Variants in ATG7 observed in about 807,000 individuals in gnomAD.
ATG7 encodes autophagy related 7.
In ATG7, 70 loss-of-function variants were observed where a neutral mutation model predicts 82.4. The observed-to-expected ratio is 0.85, with a 90% confidence interval of 0.70 to 1.04. ATG7 has a LOEUF of 1.04. Among genes scored for constraint, ATG7 ranks in the 50% least tolerant of loss-of-function variants. The pLI, the probability that ATG7 is intolerant of heterozygous loss-of-function variation, is 0.00. For missense variants in ATG7, 792 were observed against 864.3 expected, an observed-to-expected ratio of 0.92 and a Z score of 1.05; for synonymous variants, 287 against 313.0, an observed-to-expected ratio of 0.92 and a Z score of 0.88.
chr3:11,413,637 T>C (rs185170260), intron 19 of ATG7, among the ~76,000 whole-genome samples: 255 of 152,364 alleles, frequency 1.7e-3, no homozygotes, highest in African/African-American at 5.6e-3. Context: ...CAACACAGTT[T>C]ACTGTTATTT....
At chr3:11,386,655 T>C (rs1281479306) in intron 19 of ATG7, among the ~76,000 whole-genome samples, 2 of 152,232 alleles carry the variant, frequency 1.3e-5, no homozygotes, top group Non-Finnish European at 2.9e-5. Context: ...AAAAGGGATA[T>C]AAATCTCTGA....
At chr3:11,280,528 A>G (rs1248037098) in intron 1 of ATG7, among the ~76,000 whole-genome samples, 2 of 152,180 alleles carry the variant, frequency 1.3e-5, no homozygotes, top group Admixed American at 6.5e-5. Context: ...TGCCTTGTCC[A>G]GTTGTTTTCT....
At chr3:11,437,813 C>A (rs2083498967) in intron 20 of ATG7, among the ~76,000 whole-genome samples, 1 of 152,150 alleles carries the variant, frequency 6.6e-6, no homozygotes, top group East Asian at 1.9e-4. Context: ...GGCACCTCAC[C>A]CCTAAATTTT....
intron 20 of ATG7, among the ~76,000 whole-genome samples, chr3:11,512,809 T>A (rs2092123090): frequency 2.0e-5 from 3 of 152,220 alleles, no homozygotes; most frequent in Admixed American, 1.3e-4. Context: ...GGCAGCCTGC[T>A]TTTATTCTCT....
intron 15 of ATG7, 47 bp from the exon 16 acceptor site, chr3:11,360,534 A>G (rs1431040999): frequency 9.6e-6 from 15 of 1,555,766 alleles, no homozygotes; most frequent in Non-Finnish European, 1.3e-5. Context: ...ACAGCTTGAA[A>G]TATATGTGTC....
At chr3:11,553,163 G>T (rs113958368) in intron 20 of ATG7, among the ~76,000 whole-genome samples, 22 of 152,250 alleles carry the variant, frequency 1.4e-4, no homozygotes, top group African/African-American at 5.1e-4. Flanking sequence ...CCTCCAGGCA[G>T]CCCGCCCCGC....
At chr3:11,448,138 T>C (rs191076396) in intron 20 of ATG7, among the ~76,000 whole-genome samples, 3 of 152,332 alleles carry the variant, frequency 2.0e-5, no homozygotes, top group African/African-American at 7.2e-5. Context: ...TAACCACAGA[T>C]ACCAGAAAAG....
At chr3:11,456,987 G>A (rs748142062) in intron 20 of ATG7, among the ~76,000 whole-genome samples, 2 of 152,184 alleles carry the variant, frequency 1.3e-5, no homozygotes, top group Non-Finnish European at 2.9e-5. Context: ...CTGTCCTCCT[G>A]CTGAACAGTC....
chr3:11,544,696 G>A (rs2071122406), intron 20 of ATG7, among the ~76,000 whole-genome samples: 1 of 152,236 alleles, frequency 6.6e-6, no homozygotes, highest in South Asian at 2.1e-4. Flanking sequence ...CAGCTGGGCC[G>A]AGGGGCCCGC....
chr3:11,508,754 T>C (rs539382940), intron 20 of ATG7, among the ~76,000 whole-genome samples: 17 of 152,340 alleles, frequency 1.1e-4, no homozygotes, highest in African/African-American at 3.8e-4. Flanking sequence ...CACAGCCCTA[T>C]GTAGCCTATT....
intron 14 of ATG7, 77 bp downstream of exon 14, chr3:11,348,112 T>C: frequency 6.6e-7 from 1 of 1,506,702 alleles, no homozygotes; most frequent in Admixed American, 2.1e-5. Context: ...CCTGTGGCAT[T>C]GAAGAAAGAG....
At chr3:11,539,538 C>T (rs557655718) in intron 20 of ATG7, among the ~76,000 whole-genome samples, 1 of 152,314 alleles carries the variant, frequency 6.6e-6, no homozygotes, top group South Asian at 2.1e-4. Flanking sequence ...GAGTGGGAGA[C>T]TGCGTTGGTG....
At chr3:11,437,765 C>T (rs2083494300) in intron 20 of ATG7, among the ~76,000 whole-genome samples, 1 of 152,200 alleles carries the variant, frequency 6.6e-6, no homozygotes, top group Non-Finnish European at 1.5e-5. Context: ...TGCTCGTTTT[C>T]TCTTTTAAAC....
chr3:11,314,427 G>A (rs76492392), intron 8 of ATG7, among the ~76,000 whole-genome samples: 1 of 122,908 alleles, frequency 8.1e-6, no homozygotes, highest in Non-Finnish European at 1.7e-5. Flanking sequence ...GTTGTTGTTC[G>A]TACAAATCCG....
At chr3:11,517,094 A>G (rs569422845) in intron 20 of ATG7, among the ~76,000 whole-genome samples, 3 of 152,210 alleles carry the variant, frequency 2.0e-5, no homozygotes, top group Non-Finnish European at 4.4e-5. Flanking sequence ...AAAAACAAAC[A>G]TATTACTAAG....
chr3:11,548,305 C>A (rs183291939), intron 20 of ATG7, among the ~76,000 whole-genome samples: 188 of 152,302 alleles, frequency 1.2e-3, no homozygotes, highest in African/African-American at 4.3e-3. Context: ...TTATCAGATA[C>A]ATGATGTGCA....
chr3:11,290,142 G>A (rs1293991704), intron 3 of ATG7, among the ~76,000 whole-genome samples: 1 of 152,214 alleles, frequency 6.6e-6, no homozygotes, highest in Non-Finnish European at 1.5e-5. Context: ...TATTGAAACA[G>A]AAGTAACTAG....
chr3:11,282,933 T>G (rs1943316474), intron 3 of ATG7, among the ~76,000 whole-genome samples: 1 of 152,114 alleles, frequency 6.6e-6, no homozygotes, highest in East Asian at 1.9e-4. Context: ...CTTGGTCATG[T>G]GGTTTGGTGC....
chr3:11,463,110 C>T (rs1228601346), intron 20 of ATG7, among the ~76,000 whole-genome samples: 3 of 152,072 alleles, frequency 2.0e-5, no homozygotes, highest in Non-Finnish European at 4.4e-5. Context: ...GTCTCAAACT[C>T]CTGATCTCAG....
Sources: gnomAD v4.1 joint callset for allele counts (sites outside exome capture counted in the v4.1 genomes callset) on GRCh38, gnomAD v4.1.1 for gene constraint, MANE v1.5 for transcripts, NCBI Gene and HGNC (gene_info 2026-07-23, HGNC 2026-07-21) for gene names.